The following CDH13 variants were observed in gnomAD, a reference collection of about 807,000 sequenced individuals.
The protein encoded by CDH13 is cadherin 13, also known as cadherin-13.
CDH13 carries 24 observed loss-of-function variants against 63.8 expected under a neutral mutation model. The ratio of observed to expected loss-of-function variants is 0.38; its 90% CI spans 0.27 to 0.53. The LOEUF (loss-of-function observed/expected upper bound fraction) is 0.53. Among genes scored for constraint, CDH13 ranks in the 20% least tolerant of loss-of-function variants. The pLI is 0.85. For synonymous variants in CDH13, 503 were observed against 355.3 expected (o/e 1.42, Z -4.67); for missense variants, 1,049 against 903.1 (o/e 1.16, Z -2.07).
chr16:83,163,385 C>G (rs1191276998), intron 4 of CDH13, among the ~76,000 whole-genome samples: 3 of 152,014 alleles, frequency 2.0e-5, no homozygotes, highest in African/African-American at 7.2e-5. Flanking sequence ...TGGTCAAAAC[C>G]TGCACCCCAG....
At chr16:82,813,455 T>G (rs1233201448) in intron 1 of CDH13, among the ~76,000 whole-genome samples, 1 of 152,196 alleles carries the variant, frequency 6.6e-6, no homozygotes, top group East Asian at 1.9e-4. Flanking sequence ...TAGACTCTTC[T>G]GTGCATCAAA....
At chr16:83,034,334 C>G (rs890549335) in intron 3 of CDH13, among the ~76,000 whole-genome samples, 1 of 152,156 alleles carries the variant, frequency 6.6e-6, no homozygotes, top group East Asian at 1.9e-4. Flanking sequence ...TCCCCTTCAG[C>G]ATCTGTGAAG....
At chr16:83,660,543 G>C (rs1309624134) in intron 8 of CDH13, among the ~76,000 whole-genome samples, 1 of 152,194 alleles carries the variant, frequency 6.6e-6, no homozygotes, top group Non-Finnish European at 1.5e-5. Context: ...ACCTCCTTCT[G>C]TGTGGCCCGG....
chr16:82,875,916 C>T (rs1202618824), intron 2 of CDH13, among the ~76,000 whole-genome samples: 3 of 152,182 alleles, frequency 2.0e-5, no homozygotes, highest in African/African-American at 4.8e-5. Flanking sequence ...ATTGGACTTA[C>T]AGTTCCACAT....
At chr16:82,840,791 G>C (rs994983273) in intron 1 of CDH13, among the ~76,000 whole-genome samples, 3 of 152,086 alleles carry the variant, frequency 2.0e-5, no homozygotes, top group African/African-American at 7.2e-5. Context: ...GGAGATACTG[G>C]AGACATTTTA....
At chr16:82,627,923 A>G (rs2150860588) in intron 1 of CDH13, among the ~76,000 whole-genome samples, 1 of 152,330 alleles carries the variant, frequency 6.6e-6, no homozygotes, top group East Asian at 1.9e-4. Context: ...GAGCGCAGAG[A>G]AAAGTTCAAG....
intron 7 of CDH13, among the ~76,000 whole-genome samples, chr16:83,497,087 G>C (rs1404305209): frequency 6.6e-6 from 1 of 152,220 alleles, no homozygotes; most frequent in Non-Finnish European, 1.5e-5. Flanking sequence ...TTCAACCATT[G>C]TGGAAGTCAG....
intron 10 of CDH13, among the ~76,000 whole-genome samples, chr16:83,715,250 CAA>C: frequency 6.6e-6 from 1 of 152,290 alleles, no homozygotes; most frequent in Non-Finnish European, 1.5e-5. Flanking sequence ...ATGGCCAACG[CAA>C]AGTCTATTTT....
chr16:82,785,168 G>T (rs1019393771), intron 1 of CDH13, among the ~76,000 whole-genome samples: 7 of 152,086 alleles, frequency 4.6e-5, no homozygotes, highest in African/African-American at 1.7e-4. Context: ...CAGTTGAAAC[G>T]GAGAGACATA....
At position 83,162,090 on chromosome 16, in the gene CDH13, C is replaced by T. The variant is rs1363324639; in HGVS notation, c.483+36589C>T. On this transcript the variant is annotated intron_variant, in intron 4 of 13. Transcript: ENST00000567109. ...AAGAATTAAAGGAAAATAGGTTAAA[C>T]ATGAACTGCTTCTCAGACGTGGCAT... Among the ~76,000 whole-genome samples the T allele has an allele frequency of 3.9e-5, 6 of 152,202 alleles. No homozygotes were observed. In the East Asian group the frequency reaches 7.7e-4, roughly 20 times the overall value.
intron 3 of CDH13, among the ~76,000 whole-genome samples, chr16:83,074,222 G>A (rs1359775670): frequency 6.6e-6 from 1 of 152,142 alleles, no homozygotes; most frequent in Non-Finnish European, 1.5e-5. Flanking sequence ...GGTCCCATCT[G>A]TGAGTGAGCA....
intron 1 of CDH13, among the ~76,000 whole-genome samples, chr16:82,735,312 T>G (rs938470349): frequency 3.9e-5 from 6 of 152,316 alleles, no homozygotes; most frequent in African/African-American, 1.4e-4. Context: ...CACAAATGCT[T>G]CAGTGACAGG....
intron 6 of CDH13, among the ~76,000 whole-genome samples, chr16:83,472,249 G>A (rs1164444124): frequency 2.6e-5 from 4 of 151,778 alleles, no homozygotes; most frequent in East Asian, 4.1e-4. Context: ...TGGGGACTCT[G>A]TCTCCTGTGG....
intron 7 of CDH13, among the ~76,000 whole-genome samples, chr16:83,554,965 T>C (rs2075574960): frequency 6.6e-6 from 1 of 151,690 alleles, no homozygotes; most frequent in Admixed American, 6.6e-5. Context: ...CTTTGTTATT[T>C]AGGTTGATGC....
intron 8 of CDH13, among the ~76,000 whole-genome samples, chr16:83,637,092 C>G (rs925948947): frequency 2.0e-5 from 3 of 152,182 alleles, no homozygotes; most frequent in Non-Finnish European, 4.4e-5. Flanking sequence ...CCTTTGCCCT[C>G]TTTTTAATGG....
At chr16:83,746,122 G>A (rs780095004) in intron 10 of CDH13, among the ~76,000 whole-genome samples, 4 of 152,206 alleles carry the variant, frequency 2.6e-5, no homozygotes, top group African/African-American at 4.8e-5. Context: ...ACAAAGTATT[G>A]CAAACATGGA....
At chr16:82,875,984 G>A (rs1378499551) in intron 2 of CDH13, among the ~76,000 whole-genome samples, 5 of 152,156 alleles carry the variant, frequency 3.3e-5, no homozygotes, top group African/African-American at 7.2e-5. Context: ...AGCAAGTTAC[G>A]TCTTACATGG....
intron 2 of CDH13, among the ~76,000 whole-genome samples, chr16:82,867,160 C>T (rs1273964269): frequency 6.6e-6 from 1 of 152,158 alleles, no homozygotes; most frequent in African/African-American, 2.4e-5. Flanking sequence ...ACATTTAAGG[C>T]TGAGCTAGGT....
At chr16:83,311,032 C>T (rs2089988450) in intron 5 of CDH13, among the ~76,000 whole-genome samples, 3 of 152,136 alleles carry the variant, frequency 2.0e-5, no homozygotes. Context: ...TGGGAGCCTC[C>T]CCACTTCCTT....
Sources: gnomAD v4.1 joint callset for allele counts (sites outside exome capture counted in the v4.1 genomes callset) on GRCh38, gnomAD v4.1.1 for gene constraint, MANE v1.5 for transcripts, NCBI Gene and HGNC (gene_info 2026-07-23, HGNC 2026-07-21) for gene names.